Variants in SMYD3 observed in about 807,000 individuals in gnomAD.
The protein encoded by SMYD3 is histone-lysine N-methyltransferase SMYD3.
Under a neutral mutation model 57.7 loss-of-function variants are expected in SMYD3, and 36 were observed. The observed-to-expected ratio is 0.62, with a 90% CI of 0.48 to 0.82. The LOEUF is 0.82. Among genes scored for constraint, SMYD3 ranks in the 40% least tolerant of loss-of-function variants. The probability of loss-of-function intolerance (pLI) is 0.00; values close to 1 mark genes in which losing one functional copy is unlikely to be tolerated. For synonymous variants in SMYD3, 211 were observed against 195.0 expected, an observed-to-expected ratio of 1.08 and a Z score of -0.68; for missense variants, 515 against 538.8, an observed-to-expected ratio of 0.96 and a Z score of 0.44.
chr1:245,930,179 A>T, intron 5 of SMYD3: 1 of 542,256 alleles, frequency 1.8e-6, no homozygotes, highest in Non-Finnish European at 3.4e-6. Flanking sequence ...AAAAAAAAAC[A>T]GACGGAAACC....
intron 2 of SMYD3, among the ~76,000 whole-genome samples, chr1:246,343,372 C>G (rs2065661509): frequency 6.6e-6 from 1 of 152,088 alleles, no homozygotes; most frequent in African/African-American, 2.4e-5. Context: ...TTTTTTACTC[C>G]CAAAGTGAAC....
chr1:245,844,571 C>G (rs2050565926), intron 10 of SMYD3, among the ~76,000 whole-genome samples: 1 of 151,130 alleles, frequency 6.6e-6, no homozygotes, highest in South Asian at 2.1e-4. Flanking sequence ...TCCGGTTTTC[C>G]TCTTTCCATT....
chr1:245,959,747 C>A (rs1020256159), intron 5 of SMYD3, among the ~76,000 whole-genome samples: 3 of 152,108 alleles, frequency 2.0e-5, no homozygotes, highest in Admixed American at 6.5e-5. Context: ...TGAGTAAAAT[C>A]TCTGTTTTTT....
intron 8 of SMYD3, among the ~76,000 whole-genome samples, chr1:245,867,048 C>T (rs112354550): frequency 3.3e-5 from 5 of 152,318 alleles, no homozygotes; most frequent in African/African-American, 7.2e-5. Flanking sequence ...TGTTAGGCCA[C>T]ATTGCAAAGG....
chr1:246,154,144 T>C (rs1488881063), intron 5 of SMYD3, among the ~76,000 whole-genome samples: 5 of 152,220 alleles, frequency 3.3e-5, no homozygotes, highest in African/African-American at 1.2e-4. Context: ...TCATGTGGTA[T>C]TGCACGCAGC....
intron 1 of SMYD3, among the ~76,000 whole-genome samples, chr1:246,400,327 T>C (rs1258577081): frequency 2.0e-5 from 3 of 152,260 alleles, no homozygotes. Flanking sequence ...ATTAAGTGCC[T>C]TTTACAAATA....
intron 10 of SMYD3, among the ~76,000 whole-genome samples, chr1:245,800,948 C>A (rs2148237468): frequency 6.6e-6 from 1 of 152,302 alleles, no homozygotes; most frequent in South Asian, 2.1e-4. Flanking sequence ...GAATTTTATA[C>A]AGTTTTCATT....
intron 5 of SMYD3, among the ~76,000 whole-genome samples, chr1:246,228,465 G>C (rs1475495206): frequency 6.6e-6 from 1 of 152,146 alleles, no homozygotes; most frequent in East Asian, 1.9e-4. Context: ...TGAGGCATAA[G>C]AAAATCAAGT....
At chr1:246,017,186 TCTTAAA>T (rs1240972633) in intron 5 of SMYD3, among the ~76,000 whole-genome samples, 1 of 152,176 alleles carries the variant, frequency 6.6e-6, no homozygotes, top group East Asian at 1.9e-4. Context: ...TTTGAAAGAA[TCTTAAA>T]CTTAGAGAAC....
chr1:245,898,310 T>C (rs1321056315), intron 8 of SMYD3, among the ~76,000 whole-genome samples: 1 of 152,250 alleles, frequency 6.6e-6, no homozygotes, highest in African/African-American at 2.4e-5. Flanking sequence ...GATACATATA[T>C]ACATGTGTAT....
At chr1:246,190,321 T>C (rs1463211024) in intron 5 of SMYD3, among the ~76,000 whole-genome samples, 2 of 152,132 alleles carry the variant, frequency 1.3e-5, no homozygotes, top group African/African-American at 4.8e-5. Context: ...GCGCGGTGGC[T>C]CACGCCTGTA....
chr1:246,491,296 G>A (rs2068265482), intron 1 of SMYD3, among the ~76,000 whole-genome samples: 1 of 152,180 alleles, frequency 6.6e-6, no homozygotes, highest in South Asian at 2.1e-4. Flanking sequence ...CCAGCACTCT[G>A]GGAGGCCGAG....
chr1:246,412,946 C>G (rs569620567), intron 1 of SMYD3, among the ~76,000 whole-genome samples: 37 of 151,952 alleles, frequency 2.4e-4, no homozygotes, highest in Non-Finnish European at 4.7e-4. Flanking sequence ...CCAGATCTTC[C>G]TAATTACCTG....
At chr1:246,494,814 G>A (rs1331071130) in intron 1 of SMYD3, among the ~76,000 whole-genome samples, 1 of 152,184 alleles carries the variant, frequency 6.6e-6, no homozygotes. Flanking sequence ...ATTCCTGTTT[G>A]TCCTACCTAT....
Position 246,123,747 on chromosome 1 carries a change from T to C in SMYD3, c.532-193810A>G, listed in dbSNP as rs528890571. ...TTGTATTGTTTTACATAAGGCAGTATGCTAAGTCCAAAATGCCTAATTAAA... is the reference window on the plus strand; with the variant it reads ...TTGTATTGTTTTACATAAGGCAGTACGCTAAGTCCAAAATGCCTAATTAAA... On this transcript the variant is annotated intron_variant, in intron 5 of 11. Transcript: ENST00000490107. 3.3e-5 allele frequency among the ~76,000 whole-genome samples: 5 copies of C among 152,334 alleles called. No homozygotes were observed. In the South Asian group the frequency reaches 8.3e-4, roughly 25 times the overall value.
chr1:246,382,113 C>T (rs1405155995), intron 1 of SMYD3, among the ~76,000 whole-genome samples: 1 of 151,218 alleles, frequency 6.6e-6, no homozygotes, highest in Non-Finnish European at 1.5e-5. Context: ...CCAGCTGACA[C>T]CTATGGGATC....
chr1:246,285,583 G>A (rs2064543357), intron 5 of SMYD3, among the ~76,000 whole-genome samples: 1 of 152,016 alleles, frequency 6.6e-6, no homozygotes. Flanking sequence ...ACTGGCTTAG[G>A]CAAAGACTTC....
intron 8 of SMYD3, among the ~76,000 whole-genome samples, chr1:245,886,243 A>G (rs4314852): frequency 1 from 151,938 of 152,300 alleles, 75,791 homozygotes; most frequent in Middle Eastern, 1. Context: ...AGACAGGAAA[A>G]CATTATCAAC....
intron 1 of SMYD3, among the ~76,000 whole-genome samples, chr1:246,491,964 G>T (rs571338101): frequency 1.8e-4 from 28 of 152,214 alleles, no homozygotes; most frequent in Non-Finnish European, 3.2e-4. Flanking sequence ...TGGCTGGACG[G>T]CAGGAACTAA....
Sources: gnomAD v4.1 joint callset for allele counts (sites outside exome capture counted in the v4.1 genomes callset) on GRCh38, gnomAD v4.1.1 for gene constraint, MANE v1.5 for transcripts, NCBI Gene and HGNC (gene_info 2026-07-23, HGNC 2026-07-21) for gene names.